CDS1: variants seen among roughly 807,000 people sequenced by gnomAD.
The protein encoded by CDS1 is CDP-diacylglycerol synthase 1, also known as phosphatidate cytidylyltransferase 1.
In CDS1, 41 loss-of-function variants were observed where a neutral mutation model predicts 62.1. The ratio of observed to expected loss-of-function variants is 0.66; its 90% CI spans 0.51 to 0.86. The LOEUF is 0.86. Ranked by LOEUF, CDS1 falls within the 40% of genes least tolerant of loss-of-function variation. The pLI is 0.00. For synonymous variants in CDS1, 185 were observed against 192.6 expected, an observed-to-expected ratio of 0.96 and a Z score of 0.32; for missense variants, 470 against 550.1, an observed-to-expected ratio of 0.85 and a Z score of 1.46.
At chr4:84,633,338 C>T (rs1191061095) in intron 6 of CDS1, among the ~76,000 whole-genome samples, 1 of 152,156 alleles carries the variant, frequency 6.6e-6, no homozygotes, top group Admixed American at 6.5e-5. Context: ...CACGATCACC[C>T]TTCAAGTATG....
At chr4:84,600,299 C>T (rs114588081) in intron 1 of CDS1, among the ~76,000 whole-genome samples, 2,593 of 152,174 alleles carry the variant, frequency 0.017, 70 homozygotes, top group African/African-American at 0.06. Context: ...AAATATGTTT[C>T]GTTCTGTGAC....
intron 3 of CDS1, among the ~76,000 whole-genome samples, 155 bp from the exon 4 acceptor site, chr4:84,617,409 A>G (rs1723531106): frequency 6.6e-6 from 1 of 152,238 alleles, no homozygotes; most frequent in Admixed American, 6.5e-5. Context: ...TTGATTTTAG[A>G]GACATGGAAT....
At chr4:84,610,173 T>C (rs1723273975) in intron 3 of CDS1, among the ~76,000 whole-genome samples, 1 of 152,128 alleles carries the variant, frequency 6.6e-6, no homozygotes, top group South Asian at 2.1e-4. Flanking sequence ...TGATAGAACA[T>C]GTTAGGAGTG....
intron 5 of CDS1, among the ~76,000 whole-genome samples, chr4:84,622,233 A>G (rs1279103251): frequency 6.6e-6 from 1 of 152,160 alleles, no homozygotes; most frequent in Non-Finnish European, 1.5e-5. Flanking sequence ...CAAAGAGTCT[A>G]TGGTATCTTC....
chr4:84,635,137 G>A lies in CDS1; in HGVS notation c.723-127G>A, dbSNP rs1231305388. The stretch of plus-strand genomic sequence containing the variant: ...CTGTTTTGGCAAGTGTTATGTTCTG[G>A]GTAGGCTGCAGTGCAATCCAAAGGG... On this transcript the variant is annotated intron_variant, in intron 7 of 12. Coordinates refer to ENST00000295887, the MANE Select transcript of CDS1 (RefSeq NM_001263.4). The A allele has an allele frequency of 1.2e-5, 7 of 590,612 alleles. No individual in the cohort carries two copies. In the East Asian group the frequency reaches 1.8e-4, roughly 15 times the overall value. 36.6% of individuals were successfully genotyped at this position (590,612 alleles called of 1,614,324 possible). A position where few individuals can be genotyped will look rare whatever the true frequency, so the allele number is the denominator to read the frequency against.
At position 84,650,932 on chromosome 4, in the gene CDS1, T is replaced by C. The variant is rs1050988462; in HGVS notation, c.*2246T>C. 2.0e-5 allele frequency: 3 copies of C among 152,188 alleles called. No individual in the cohort carries two copies. Among genetic ancestry groups the C allele is most frequent in the Non-Finnish European group, 4.4e-5 (3 of 68,038 alleles). The allele number at this position is 152,188 out of a possible 1,614,324, so 9.4% of individuals were successfully genotyped here. On this transcript the variant is annotated 3_prime_UTR_variant, in exon 13 of 13. Coordinates refer to ENST00000295887, the MANE Select transcript of CDS1 (RefSeq NM_001263.4). ...TGTGAAGAGGGCTTAAATTCCAATG[T>C]AGCAATGTGGTGGCAGACAAATGAA...
intron 8 of CDS1, among the ~76,000 whole-genome samples, chr4:84,638,228 TG>T (rs1310713327): frequency 2.0e-5 from 3 of 152,186 alleles, no homozygotes; most frequent in Non-Finnish European, 4.4e-5. Context: ...TTTCTTTCCA[TG>T]AATGGTCCAT....
chr4:84,635,441 T>C, intron 8 of CDS1, 90 bp downstream of exon 8: 1 of 762,542 alleles, frequency 1.3e-6, no homozygotes, highest in Non-Finnish European at 2.3e-6. Flanking sequence ...GTTGTGCATT[T>C]TTTATTTTTG....
chr4:84,586,062 G>A lies in CDS1; in HGVS notation c.117+2544G>A, dbSNP rs578044089. On this transcript the variant is annotated intron_variant, in intron 1 of 12. Transcript: ENST00000295887. ...GTAGGGTGTTCTAGGCAAAGGACGT[G>A]TTGGGTTTTTTCTTGAATCAGCATT... Among the ~76,000 whole-genome samples the A allele has an allele frequency of 9.9e-4, 150 of 152,282 alleles. 1 individual carries two copies. The highest frequency in any genetic ancestry group is 6.8e-3 in the Middle Eastern group (2 of 294).
intron 1 of CDS1, 151 bp from the exon 2 acceptor site, chr4:84,604,092 A>C: frequency 1.7e-6 from 1 of 601,960 alleles, no homozygotes; most frequent in Non-Finnish European, 2.9e-6. Flanking sequence ...AAAGAAGTAT[A>C]GCAGTGCTAA....
intron 1 of CDS1, among the ~76,000 whole-genome samples, chr4:84,590,944 TTA>T (rs1184145569): frequency 6.6e-6 from 1 of 152,184 alleles, no homozygotes; most frequent in Non-Finnish European, 1.5e-5. Flanking sequence ...AGGTAATTGT[TTA>T]GCTCAAACGG....
chr4:84,637,790 A>G (rs1037597084), intron 8 of CDS1, among the ~76,000 whole-genome samples: 4 of 152,222 alleles, frequency 2.6e-5, no homozygotes, highest in African/African-American at 7.2e-5. Flanking sequence ...AATCGATATG[A>G]TATGCATCAA....
At chr4:84,604,498 C>T in intron 2 of CDS1, 128 bp downstream of exon 2, 1 of 774,430 alleles carries the variant, frequency 1.3e-6, no homozygotes, top group Admixed American at 2.5e-5. Flanking sequence ...AAAAGGCCAC[C>T]TAATATCCGA....
chr4:84,614,697 T>C (rs995098936), intron 3 of CDS1, among the ~76,000 whole-genome samples: 5 of 152,222 alleles, frequency 3.3e-5, no homozygotes, highest in Non-Finnish European at 7.3e-5. Flanking sequence ...GACAAATCTC[T>C]ATGCAAAGCA....
intron 1 of CDS1, among the ~76,000 whole-genome samples, chr4:84,589,860 G>T (rs1228820136): frequency 6.6e-6 from 1 of 152,122 alleles, no homozygotes; most frequent in Non-Finnish European, 1.5e-5. Context: ...GCCCAGGCTG[G>T]AGTGCAGTGG....
At chr4:84,637,053 T>G (rs1167525838) in intron 8 of CDS1, among the ~76,000 whole-genome samples, 1 of 152,178 alleles carries the variant, frequency 6.6e-6, no homozygotes, top group African/African-American at 2.4e-5. Flanking sequence ...GTGGACTGCC[T>G]GTTCTTCCAA....
rs1724096286 is a variant in CDS1 at position 84,633,876 on chromosome 4, CT to C, written c.662del (p.Leu221TyrfsTer2). 1 of 1,602,018 alleles carries C rather than the reference CT, an allele frequency of 6.2e-7. No homozygotes were observed. The highest frequency in any genetic ancestry group is 2.3e-5 in the East Asian group (1 of 44,084). On this transcript the variant is annotated frameshift_variant, in exon 7 of 13. Transcript: ENST00000295887. LOFTEE classifies it high-confidence loss of function. ...TAACAGTTCGCATGGACTCATGTCA[CT>C]TTACTGATAACTGTCACTCAGTCAC... ...QFYMFAWTHV[T>X]LLITVTQSHL... is the part of the protein sequence containing the mutation.
intron 5 of CDS1, among the ~76,000 whole-genome samples, chr4:84,620,593 A>T (rs937311401): frequency 2.6e-5 from 4 of 152,038 alleles, no homozygotes; most frequent in African/African-American, 9.7e-5. Context: ...TGTTTTTGTA[A>T]TTTTTAAATT....
At chr4:84,590,876 A>T (rs749092224) in intron 1 of CDS1, among the ~76,000 whole-genome samples, 1 of 152,160 alleles carries the variant, frequency 6.6e-6, no homozygotes, top group Non-Finnish European at 1.5e-5. Flanking sequence ...TGTCTAGTAT[A>T]TGGTATTTTA....
Sources: allele counts gnomAD v4.1 joint callset (sites outside exome capture counted in the v4.1 genomes callset), GRCh38; gene constraint gnomAD v4.1.1; transcripts MANE v1.5; gene names NCBI Gene and HGNC (gene_info 2026-07-23, HGNC 2026-07-21).